CCDC66: variants seen among roughly 807,000 people sequenced by gnomAD.
CCDC66 encodes the protein coiled-coil domain containing 66.
CCDC66 carries 133 observed loss-of-function variants against 128.3 expected under a neutral mutation model. That is an observed-to-expected ratio of 1.04 (90% CI 0.90 to 1.20). The LOEUF (loss-of-function observed/expected upper bound fraction) is 1.20. Among genes scored for constraint, CCDC66 ranks in the 50% most tolerant of loss-of-function variants. The pLI is 0.00. For synonymous variants in CCDC66, 387 were observed against 357.0 expected (o/e 1.08, Z -0.95); for missense variants, 1,126 against 1,075.5 (o/e 1.05, Z -0.66).
chr3:56,584,027 A>C (rs1466867133), intron 7 of CCDC66, among the ~76,000 whole-genome samples: 7 of 87,002 alleles, frequency 8.0e-5, no homozygotes, highest in Non-Finnish European at 1.2e-4. Context: ...GCTGCCCCCC[A>C]CCTCCCTCCC....
intron 10 of CCDC66, among the ~76,000 whole-genome samples, chr3:56,612,620 G>A (rs2074996363): frequency 6.6e-6 from 1 of 152,174 alleles, no homozygotes; most frequent in Admixed American, 6.5e-5. Flanking sequence ...CAACCCTCTG[G>A]GATCCAAGCA....
chr3:56,563,829 A>G lies in CCDC66; in HGVS notation c.248A>G (p.Glu83Gly). 8 of 1,561,980 alleles carry G rather than the reference A, an allele frequency of 5.1e-6. No homozygotes were observed. Among genetic ancestry groups the G allele is most frequent in the Non-Finnish European group, 6.9e-6 (8 of 1,152,068 alleles). The change falls in exon 4 of 18, where the codon GAA becomes GGA. Residue 83 changes from glutamate (E) to glycine (G), a missense_variant. Coordinates refer to ENST00000394672, the MANE Select transcript of CCDC66 (RefSeq NM_001141947.3). ...VGSETSQAKG[E>G]KNGMTFSSTK... ...TCAGAAACATCACAGGCAAAAGGTG[A>G]AAAAAATGGAATGACTTTTTCATCC...
At chr3:56,613,411 G>A (rs1426405599) in intron 10 of CCDC66, among the ~76,000 whole-genome samples, 178 bp from the exon 11 acceptor site, 1 of 152,134 alleles carries the variant, frequency 6.6e-6, no homozygotes, top group Non-Finnish European at 1.5e-5. Context: ...GATGCTTCCT[G>A]TCATGTTGAA....
chr3:56,574,350 A>G (rs2067079234), intron 7 of CCDC66, among the ~76,000 whole-genome samples: 1 of 129,596 alleles, frequency 7.7e-6, no homozygotes, highest in Non-Finnish European at 1.7e-5. Flanking sequence ...CGACAGAGCA[A>G]GACTCTGTCT....
chr3:56,612,102 A>C (rs1261123431), intron 10 of CCDC66, among the ~76,000 whole-genome samples: 1 of 151,530 alleles, frequency 6.6e-6, no homozygotes, highest in African/African-American at 2.4e-5. Flanking sequence ...ATGGTCCTCA[A>C]CTCCTATTTC....
chr3:56,580,467 T>G lies in CCDC66; in HGVS notation c.936+9165T>G, dbSNP rs1385828363. Among the ~76,000 whole-genome samples, 10 of 151,844 alleles carry G rather than the reference T, an allele frequency of 6.6e-5. 1 individual carries two copies. Among genetic ancestry groups the G allele is most frequent in the East Asian group, 3.9e-4 (2 of 5,088 alleles). On this transcript the variant is annotated intron_variant, in intron 7 of 17. Coordinates refer to ENST00000394672, the MANE Select transcript of CCDC66 (RefSeq NM_001141947.3). ...TCCTGTCATTATGATGTTAGCTGGT[T>G]ATTTTGCTCATTAGTTGATGCAGTT...
intron 2 of CCDC66, 69 bp from the exon 3 acceptor site, chr3:56,559,500 A>G: frequency 2.0e-6 from 2 of 976,330 alleles, no homozygotes; most frequent in Non-Finnish European, 1.5e-6. Context: ...TATTAATTAC[A>G]GTTTTCTTGC....
chr3:56,571,037 C>T (rs1279670844), intron 6 of CCDC66, 144 bp from the exon 7 acceptor site: 7 of 527,524 alleles, frequency 1.3e-5, no homozygotes, highest in Non-Finnish European at 1.9e-5. Context: ...AAAAATTATT[C>T]TCCACTTTGT....
At chr3:56,574,458 A>G (rs2067099559) in intron 7 of CCDC66, among the ~76,000 whole-genome samples, 1 of 151,830 alleles carries the variant, frequency 6.6e-6, no homozygotes, top group African/African-American at 2.4e-5. Context: ...GCTGTGTAAC[A>G]AAAAAGCCCT....
chr3:56,589,662 TA>T (rs1454289302), intron 7 of CCDC66, among the ~76,000 whole-genome samples: 3 of 152,162 alleles, frequency 2.0e-5, no homozygotes, highest in African/African-American at 7.2e-5. Context: ...GATGATCTGT[TA>T]AAAAGTAATT....
intron 10 of CCDC66, among the ~76,000 whole-genome samples, chr3:56,598,191 T>G (rs961176403): frequency 2.0e-5 from 3 of 151,836 alleles, no homozygotes; most frequent in Non-Finnish European, 4.4e-5. Context: ...TTGAGACAGC[T>G]CTGTCACCTA....
chr3:56,618,614 C>G (rs543961801), intron 15 of CCDC66: 1 of 170,598 alleles, frequency 5.9e-6, no homozygotes, highest in Non-Finnish European at 1.2e-5. Context: ...AATTTTTATT[C>G]TTTGTGCATG....
intron 10 of CCDC66, among the ~76,000 whole-genome samples, chr3:56,602,697 A>G (rs1405322781): frequency 6.6e-6 from 1 of 151,714 alleles, no homozygotes; most frequent in Non-Finnish European, 1.5e-5. Context: ...TTCTTGGTTT[A>G]GACTTGGGAG....
At chr3:56,593,364 C>T (rs879853026) in intron 8 of CCDC66, 127 bp from the exon 9 acceptor site, 6 of 1,047,462 alleles carry the variant, frequency 5.7e-6, no homozygotes, top group Non-Finnish European at 8.2e-6. Context: ...ACAGTACAGT[C>T]TTGTTAATTT....
intron 12 of CCDC66, 121 bp downstream of exon 12, chr3:56,615,393 C>T: frequency 1.1e-6 from 1 of 911,048 alleles, no homozygotes; most frequent in Non-Finnish European, 1.6e-6. Flanking sequence ...TGCAGTGGTG[C>T]CATCACAGCT....
At chr3:56,586,676 T>C (rs1377907048) in intron 7 of CCDC66, among the ~76,000 whole-genome samples, 1 of 151,870 alleles carries the variant, frequency 6.6e-6, no homozygotes, top group Non-Finnish European at 1.5e-5. Flanking sequence ...AAAAATCCTT[T>C]GTTAAAAAGC....
chr3:56,619,839 A>G lies in CCDC66; in HGVS notation c.2698A>G (p.Asn900Asp). Residue 900 changes from asparagine (N) to aspartate (D), a missense_variant, in exon 17 of 18, where the codon AAC becomes GAC. Asn to Asp is a conservative substitution (Grantham distance 23). Coordinates refer to ENST00000394672, the MANE Select transcript of CCDC66 (RefSeq NM_001141947.3). ...TGTCAGGGATCCACTTCTTAATCCTAACATGGTGAAAAATAGGGATCGACA... is the reference window on the plus strand; with the variant it reads ...TGTCAGGGATCCACTTCTTAATCCTGACATGGTGAAAAATAGGGATCGACA... ...DCVRDPLLNP[N>D]MVKNRDRQQA... The G allele has an allele frequency of 6.2e-7, 1 of 1,614,118 alleles. No homozygotes were observed. Among genetic ancestry groups the G allele is most frequent in the Non-Finnish European group, 8.5e-7 (1 of 1,179,976 alleles).
chr3:56,593,365 T>G (rs2071279912), intron 8 of CCDC66, 126 bp from the exon 9 acceptor site: 6 of 1,049,732 alleles, frequency 5.7e-6, no homozygotes, highest in Non-Finnish European at 8.2e-6. Flanking sequence ...CAGTACAGTC[T>G]TGTTAATTTT....
intron 17 of CCDC66, 63 bp from the exon 18 acceptor site, chr3:56,621,469 A>T: frequency 9.2e-7 from 1 of 1,082,444 alleles, no homozygotes; most frequent in Non-Finnish European, 1.3e-6. Context: ...ATTCTAGTTT[A>T]ACACAACATT....
Sources: allele counts gnomAD v4.1 joint callset (sites outside exome capture counted in the v4.1 genomes callset), GRCh38; gene constraint gnomAD v4.1.1; transcripts MANE v1.5; gene names NCBI Gene and HGNC (gene_info 2026-07-23, HGNC 2026-07-21).